SEMA4F: variants seen among roughly 807,000 people sequenced by gnomAD.
The protein encoded by SEMA4F is ssemaphorin 4F.
Under a neutral mutation model 78.4 loss-of-function variants are expected in SEMA4F, and 51 were observed. That is an observed-to-expected ratio of 0.65 (90% confidence interval 0.52 to 0.82). SEMA4F has a LOEUF of 0.82. SEMA4F is among the 40% of genes least tolerant of loss of function. The pLI, the probability that SEMA4F is intolerant of heterozygous loss-of-function variation, is 0.00. For synonymous variants in SEMA4F, 418 were observed against 408.7 expected (o/e 1.02, Z -0.27); for missense variants, 938 against 1,014.4 (o/e 0.92, Z 1.02).
chr2:74,664,978 G>A (rs1034833703), intron 5 of SEMA4F, among the ~76,000 whole-genome samples: 1 of 152,040 alleles, frequency 6.6e-6, no homozygotes, highest in African/African-American at 2.4e-5. Context: ...CATGAGGGGG[G>A]ATCTAAATTA....
chr2:74,694,395 G>A, the SEMA4F span, among the ~76,000 whole-genome samples: 20 of 152,216 alleles, frequency 1.3e-4, no homozygotes, highest in African/African-American at 4.8e-4. Flanking sequence ...CACACCAAGA[G>A]CCCTTTTGAA....
At chr2:74,665,484 A>G (rs1311798229) in intron 5 of SEMA4F, among the ~76,000 whole-genome samples, 1 of 151,982 alleles carries the variant, frequency 6.6e-6, no homozygotes, top group Non-Finnish European at 1.5e-5. Flanking sequence ...CCACCTCGGC[A>G]TCTCAAGGTG....
At chr2:74,665,902 G>GTT (rs1203822562) in intron 5 of SEMA4F, among the ~76,000 whole-genome samples, 34 of 135,912 alleles carry the variant, frequency 2.5e-4, no homozygotes, top group Non-Finnish European at 3.4e-4. Flanking sequence ...AGTAATTTTT[G>GTT]TTTTTTTTTT....
At chr2:74,669,585 AAACAAC>A (rs150974049) in intron 5 of SEMA4F, among the ~76,000 whole-genome samples, 3,806 of 151,422 alleles carry the variant, frequency 0.025, 128 homozygotes, top group African/African-American at 0.08. Flanking sequence ...ACTCTGTCTC[AAACAAC>A]AACAACAACA....
At position 74,677,012 on chromosome 2, in the gene SEMA4F, C is replaced by T. The variant is rs531518332; in HGVS notation, c.1643+1103C>T. Among the ~76,000 whole-genome samples, 3 of 152,282 alleles carry T rather than the reference C, an allele frequency of 2.0e-5. No homozygotes were observed. In the East Asian group the frequency reaches 5.8e-4, roughly 29 times the overall value. ...TGCCTCCCTTATTCAAGCGATTCTC[C>T]TGCCTCAGCCTCCCGAATAGCTGGG... On this transcript the variant is annotated intron_variant, in intron 12 of 13. Coordinates refer to ENST00000357877, the MANE Select transcript of SEMA4F (RefSeq NM_004263.5).
At position 74,679,693 on chromosome 2, in the gene SEMA4F, C is replaced by G; in HGVS notation, c.1797C>G (p.His599Gln). Residue 599 changes from histidine (H) to glutamine (Q), a missense_variant, in exon 14 of 14, where the codon CAC (histidine) becomes CAG (glutamine). His to Gln is a conservative substitution (Grantham distance 24). Transcript: ENST00000357877. The stretch of plus-strand genomic sequence containing the variant: ...CAGCATGGGCATCCTGTGTGTGGCA[C>G]CAGCCCAGTGGAGTGACTGCACTCA... The part of the protein sequence containing the change: ...PSSAWASCVW[H>Q]QPSGVTALTP... 6.2e-7 allele frequency: 1 copy of G among 1,614,048 alleles called. No individual in the cohort carries two copies. The highest frequency in any genetic ancestry group is 8.5e-7 in the Non-Finnish European group (1 of 1,180,020).
chr2:74,687,949 T>C (rs1032979501), downstream of SEMA4F, among the ~76,000 whole-genome samples: 4 of 152,170 alleles, frequency 2.6e-5, no homozygotes, highest in Admixed American at 6.5e-5. Context: ...ATAAATTCCC[T>C]AATCATAGTT....
chr2:74,663,829 C>G (rs893452876), intron 5 of SEMA4F, among the ~76,000 whole-genome samples: 1 of 152,058 alleles, frequency 6.6e-6, no homozygotes, highest in Admixed American at 6.5e-5. Context: ...TTAGAGGGGA[C>G]AAAACATCCA....
intron 4 of SEMA4F, among the ~76,000 whole-genome samples, chr2:74,659,586 T>C (rs563111945): frequency 6.6e-6 from 1 of 152,294 alleles, no homozygotes; most frequent in Admixed American, 6.5e-5. Flanking sequence ...GGCCCATCCT[T>C]TGGTCAAGGC....
Position 74,674,529 on chromosome 2 carries a change from A to G in SEMA4F, c.854A>G (p.Gln285Arg). The G allele has an allele frequency of 6.2e-7, 1 of 1,614,024 alleles. No individual in the cohort carries two copies. The highest frequency in any genetic ancestry group is 8.5e-7 in the Non-Finnish European group (1 of 1,179,974). The change falls in exon 8 of 14, where the codon CAG becomes CGG. Residue 285 changes from glutamine (Q) to arginine (R), a missense_variant. Gln to Arg is a conservative substitution (Grantham distance 43). Transcript: ENST00000357877. ...CTCGGGGGCCGGAAGACCCTCCAGC[A>G]GAGATGGACGACGTTTTTGAAAGCT... ...GDLGGRKTLQQRWTTFLKADL... is the reference protein window; with the variant it reads ...GDLGGRKTLQRRWTTFLKADL...
the SEMA4F span, among the ~76,000 whole-genome samples, chr2:74,703,785 C>T: frequency 6.6e-6 from 1 of 152,208 alleles, no homozygotes; most frequent in Non-Finnish European, 1.5e-5. Flanking sequence ...GCATGAAAAT[C>T]CAAGGGGGCC....
intron 1 of SEMA4F, among the ~76,000 whole-genome samples, 183 bp downstream of exon 1, chr2:74,654,704 C>T (rs1558714477): frequency 1.3e-5 from 2 of 152,178 alleles, no homozygotes; most frequent in Admixed American, 6.5e-5. Flanking sequence ...CTCTGCATCC[C>T]TCCCGCGCCC....
intron 5 of SEMA4F, among the ~76,000 whole-genome samples, chr2:74,671,723 A>C (rs990900064): frequency 6.6e-6 from 1 of 152,124 alleles, no homozygotes; most frequent in African/African-American, 2.4e-5. Context: ...CAGCCTTAGG[A>C]TGTGCAACAA....
At chr2:74,676,372 T>C (rs1238030093) in intron 12 of SEMA4F, among the ~76,000 whole-genome samples, 3 of 152,220 alleles carry the variant, frequency 2.0e-5, no homozygotes, top group East Asian at 1.9e-4. Context: ...CTAGGCAGTT[T>C]CATTCTGGTT....
At chr2:74,663,778 G>T (rs1212115921) in intron 5 of SEMA4F, among the ~76,000 whole-genome samples, 1 of 152,128 alleles carries the variant, frequency 6.6e-6, no homozygotes, top group Non-Finnish European at 1.5e-5. Flanking sequence ...CCTCACACTA[G>T]GTCCACCTCC....
chr2:74,667,160 C>T (rs954015660), intron 5 of SEMA4F, among the ~76,000 whole-genome samples: 2 of 152,182 alleles, frequency 1.3e-5, no homozygotes, highest in Non-Finnish European at 2.9e-5. Flanking sequence ...ATTTGTGCTG[C>T]ATACACAGAT....
intron 4 of SEMA4F, among the ~76,000 whole-genome samples, chr2:74,659,337 C>T (rs1684318379): frequency 6.6e-6 from 1 of 152,190 alleles, no homozygotes; most frequent in Admixed American, 6.5e-5. Context: ...AAGTTAGTCT[C>T]CTAGGGCCTT....
downstream of SEMA4F, among the ~76,000 whole-genome samples, chr2:74,684,352 T>C (rs1436811827): frequency 1.3e-5 from 2 of 152,062 alleles, no homozygotes; most frequent in African/African-American, 4.8e-5. Flanking sequence ...GGGCAGGCTT[T>C]GCTATGATGC....
the SEMA4F span, among the ~76,000 whole-genome samples, chr2:74,695,365 A>G: frequency 4.6e-5 from 7 of 152,294 alleles, no homozygotes; most frequent in South Asian, 1.2e-3. Flanking sequence ...TCAGAGCACA[A>G]CAGTGCTTCT....
Sources: allele counts gnomAD v4.1 joint callset (sites outside exome capture counted in the v4.1 genomes callset), GRCh38; gene constraint gnomAD v4.1.1; transcripts MANE v1.5; gene names NCBI Gene and HGNC (gene_info 2026-07-23, HGNC 2026-07-21).